KIF26B: variants seen among roughly 807,000 people sequenced by gnomAD.
KIF26B encodes the protein kinesin family member 26B.
In KIF26B, 63 loss-of-function variants were observed where a neutral mutation model predicts 151.2. The observed-to-expected ratio is 0.42, with a 90% CI of 0.34 to 0.51. KIF26B has a LOEUF of 0.51. Among genes scored for constraint, KIF26B ranks in the 20% least tolerant of loss-of-function variants. The pLI, the probability that KIF26B is intolerant of heterozygous loss-of-function variation, is 0.07. For synonymous variants in KIF26B, 1,357 were observed against 1,262.1 expected (o/e 1.08, Z -1.59); for missense variants, 2,813 against 2,913.6 (o/e 0.97, Z 0.79).
rs553668795 is a variant in KIF26B, at chr1:245,709,143, G to C, written c.*6537G>C. On this transcript the variant is annotated 3_prime_UTR_variant, in exon 15 of 15. Coordinates refer to ENST00000407071, the MANE Select transcript of KIF26B (RefSeq NM_018012.4). ...GTCCCAGCAGCCCCTTGGCAGGCTA[G>C]TTTTGTGCATGGGCCTTTGCAAGCT... 2.6e-5 allele frequency: 4 copies of C among 152,332 alleles called. No individual in the cohort carries two copies. The highest frequency in any genetic ancestry group is 2.6e-4 in the Admixed American group (4 of 15,308). The allele number at this position is 152,332 out of a possible 1,614,324, so 9.4% of individuals were successfully genotyped here.
At chr1:245,230,716 C>A (rs1474044897) in intron 2 of KIF26B, among the ~76,000 whole-genome samples, 2 of 151,220 alleles carry the variant, frequency 1.3e-5, no homozygotes, top group African/African-American at 4.9e-5. Flanking sequence ...GCACTCCAGC[C>A]TGGGCAACAA....
At chr1:245,183,046 T>C (rs2103528491) in intron 2 of KIF26B, among the ~76,000 whole-genome samples, 1 of 152,370 alleles carries the variant, frequency 6.6e-6, no homozygotes, top group African/African-American at 2.4e-5. Flanking sequence ...TTGATTTGCA[T>C]TTCACTAATG....
chr1:245,162,962 G>A (rs1307456077), intron 2 of KIF26B, among the ~76,000 whole-genome samples: 1 of 152,028 alleles, frequency 6.6e-6, no homozygotes, highest in African/African-American at 2.4e-5. Context: ...GATTATTTTG[G>A]TGCAAAATGA....
At chr1:245,464,378 TGTAG>T (rs540142253) in intron 4 of KIF26B, among the ~76,000 whole-genome samples, 181 of 151,068 alleles carry the variant, frequency 1.2e-3, no homozygotes, top group African/African-American at 4.1e-3. Context: ...TGTGGGTGTG[TGTAG>T]GTGTGTGTGT....
intron 5 of KIF26B, among the ~76,000 whole-genome samples, chr1:245,570,314 C>T (rs1372351468): frequency 6.6e-6 from 1 of 152,112 alleles, no homozygotes; most frequent in Non-Finnish European, 1.5e-5. Context: ...AGGCTTGAAA[C>T]TTCAGCATCA....
At chr1:245,275,666 CA>C (rs1365018427) in intron 2 of KIF26B, among the ~76,000 whole-genome samples, 1 of 152,024 alleles carries the variant, frequency 6.6e-6, no homozygotes, top group African/African-American at 2.4e-5. Flanking sequence ...ATCTGTATAC[CA>C]GAATTAAAAG....
At chr1:245,364,857 T>C (rs984428472) in intron 2 of KIF26B, among the ~76,000 whole-genome samples, 2 of 152,136 alleles carry the variant, frequency 1.3e-5, no homozygotes, top group Non-Finnish European at 1.5e-5. Flanking sequence ...GCATAAGCCA[T>C]TGCTTATGTG....
rs1558150078 is a variant in KIF26B, at chr1:245,396,961, C to CTTT, written c.1000-22618_1000-22617insTTT. Among the ~76,000 whole-genome samples, 6 of 97,090 alleles carry CTTT rather than the reference C, an allele frequency of 6.2e-5. No individual in the cohort carries two copies. The South Asian group carries it at 7.3e-4, about 12-fold the overall frequency. The allele number at this position is 97,090 out of a possible 152,430, so 63.7% of individuals were successfully genotyped here. A position where few individuals can be genotyped will look rare whatever the true frequency, so the allele number is the denominator to read the frequency against. ...TCATTTGACATGCTACATTTCTACTCCTTTTTTTTTTTTTTTGGAAAGGGT... is the reference window on the plus strand; with the variant it reads ...TCATTTGACATGCTACATTTCTACTCTTTCTTTTTTTTTTTTTTTGGAAAGGGT... On this transcript the variant is annotated intron_variant, in intron 3 of 14. Coordinates refer to ENST00000407071, the MANE Select transcript of KIF26B (RefSeq NM_018012.4).
intron 4 of KIF26B, among the ~76,000 whole-genome samples, chr1:245,539,987 G>C (rs935023930): frequency 6.6e-6 from 1 of 152,144 alleles, no homozygotes; most frequent in Non-Finnish European, 1.5e-5. Flanking sequence ...CAGGACACTT[G>C]AATGATGGAC....
chr1:245,540,816 T>C lies in KIF26B; in HGVS notation c.1216T>C (p.Ser406Pro). The C allele has an allele frequency of 1.2e-6, 2 of 1,614,006 alleles. No homozygotes were observed. The highest frequency in any genetic ancestry group is 1.7e-6 in the Non-Finnish European group (2 of 1,179,890). ...LSSKKKKHRP[S>P]TSSAAEPPLF... Reference sequence around the variant, plus strand: ...TTCTAAAAAGAAGAAACATCGGCCTTCCACTTCTTCCGCTGCCGAACCACC... The same window carrying C: ...TTCTAAAAAGAAGAAACATCGGCCTCCCACTTCTTCCGCTGCCGAACCACC... The change falls in exon 5 of 15, where the codon TCC becomes CCC. Residue 406 changes from serine (S) to proline (P), a missense_variant. Ser to Pro is a moderately conservative substitution (Grantham distance 74). This residue lies in a region of KIF26B where 676 missense variants were observed against 688.1 expected (regional missense o/e 0.98). Coordinates refer to ENST00000407071, the MANE Select transcript of KIF26B (RefSeq NM_018012.4). The surrounding 1 kb of genome is among the most constrained non-coding windows in gnomAD (Gnocchi z 4.6).
At chr1:245,643,990 CT>C (rs1558249240) in intron 9 of KIF26B, among the ~76,000 whole-genome samples, 1 of 151,996 alleles carries the variant, frequency 6.6e-6, no homozygotes, top group African/African-American at 2.4e-5. Flanking sequence ...TTCCTTTGTG[CT>C]TGGGGCTCAC....
chr1:245,703,632 G>GAACCA lies in KIF26B; in HGVS notation c.*1028_*1032dup, dbSNP rs1465433296. On this transcript the variant is annotated 3_prime_UTR_variant, in exon 15 of 15. Transcript: ENST00000407071. ...TCCAAAAAGTCTTGAACGAAAGCTGGAACCAATTCACCAGAGCCATATTTC... is the reference window on the plus strand; with the variant it reads ...TCCAAAAAGTCTTGAACGAAAGCTGGAACCAAACCAATTCACCAGAGCCATATTTC... 1.3e-5 allele frequency: 2 copies of GAACCA among 152,168 alleles called. No homozygotes were observed. Among genetic ancestry groups the GAACCA allele is most frequent in the Non-Finnish European group, 2.9e-5 (2 of 68,040 alleles). 9.4% of individuals were successfully genotyped at this position (152,168 alleles called of 1,614,324 possible).
At chr1:245,579,458 A>G (rs1225509419) in intron 5 of KIF26B, among the ~76,000 whole-genome samples, 1 of 152,030 alleles carries the variant, frequency 6.6e-6, no homozygotes, top group African/African-American at 2.4e-5. Context: ...TGATTGTACC[A>G]CTGCACTCCA....
Position 245,609,390 on chromosome 1 carries a change from A to C in KIF26B, c.1776A>C (p.Ser592=), listed in dbSNP as rs61755865. The change falls in exon 8 of 15, where the codon TCA becomes TCC. Residue 592 remains serine (S), a synonymous_variant. Coordinates refer to ENST00000407071, the MANE Select transcript of KIF26B (RefSeq NM_018012.4). ...AGGAAAAGACCGGCGCCCGTTTCTC[A>C]GTCCGGGTTTCCGCCGTGGAAGTGT... ...ERKEKTGARF[S]VRVSAVEVWG... 34,911 of 1,609,338 alleles carry C rather than the reference A, an allele frequency of 0.022. 662 individuals are homozygous for C. Among genetic ancestry groups the C allele is most frequent in the Admixed American group, 0.1 (6,123 of 59,114 alleles).
At chr1:245,206,588 T>A (rs1431461881) in intron 2 of KIF26B, 1 of 152,210 alleles carries the variant, frequency 6.6e-6, no homozygotes, top group Non-Finnish European at 1.5e-5. Flanking sequence ...CCGTCATGGC[T>A]GCTTTGAGGA....
At chr1:245,305,661 G>A (rs1433469518) in intron 2 of KIF26B, among the ~76,000 whole-genome samples, 8 of 152,126 alleles carry the variant, frequency 5.3e-5, no homozygotes, top group African/African-American at 7.2e-5. Flanking sequence ...AAATGAGGCC[G>A]GTCGCAGTGG....
chr1:245,694,929 G>C (rs2044671379), intron 12 of KIF26B, among the ~76,000 whole-genome samples: 1 of 152,226 alleles, frequency 6.6e-6, no homozygotes, highest in African/African-American at 2.4e-5. Context: ...GCAGAAGGGA[G>C]CCCAACCCAC....
chr1:245,606,675 C>T lies in KIF26B; in HGVS notation c.1558-976C>T, dbSNP rs189177819. 2.0e-5 allele frequency among the ~76,000 whole-genome samples: 3 copies of T among 152,278 alleles called. No homozygotes were observed. The highest frequency in any genetic ancestry group is 6.5e-5 in the Admixed American group (1 of 15,288). On this transcript the variant is annotated intron_variant, in intron 6 of 14. Transcript: ENST00000407071. The surrounding 1 kb of genome is among the most constrained non-coding windows in gnomAD (Gnocchi z 4.6). ...AAATTGGAGACCAGACACACACACC[C>T]GGCCAAAGAACACCTAATAACATAC... is the stretch of plus-strand genomic sequence containing the variant.
chr1:245,502,812 A>T (rs1036977627), intron 4 of KIF26B, among the ~76,000 whole-genome samples: 4 of 151,914 alleles, frequency 2.6e-5, no homozygotes, highest in Non-Finnish European at 5.9e-5. Context: ...TGACAGGGGG[A>T]TATCTCTGAA....
Sources: gnomAD v4.1 joint callset for allele counts (sites outside exome capture counted in the v4.1 genomes callset) on GRCh38, gnomAD v4.1.1 for gene constraint, gnomAD v4.1.1 regional missense constraint, Gnocchi (gnomAD v3.1) non-coding constraint, MANE v1.5 for transcripts, NCBI Gene and HGNC (gene_info 2026-07-23, HGNC 2026-07-21) for gene names.